The following FARS2 variants were observed in gnomAD, a reference collection of about 807,000 sequenced individuals.
FARS2 encodes phenylalanine--tRNA ligase, mitochondrial.
In FARS2, 40 loss-of-function variants were observed where a neutral mutation model predicts 46.4. The ratio of observed to expected loss-of-function variants is 0.86; its 90% CI spans 0.67 to 1.12. The LOEUF is 1.12. Among genes scored for constraint, FARS2 ranks in the 50% most tolerant of loss-of-function variants. The pLI is 0.00. For missense variants in FARS2, 513 were observed against 567.9 expected (o/e 0.90, Z 0.98); for synonymous variants, 234 against 214.9 (o/e 1.09, Z -0.78).
intron 6 of FARS2, among the ~76,000 whole-genome samples, chr6:5,690,850 T>C (rs1210007196): frequency 6.6e-6 from 1 of 152,204 alleles, no homozygotes; most frequent in East Asian, 1.9e-4. Context: ...AGACATAGAT[T>C]TGGTCTTTTC....
intron 6 of FARS2, among the ~76,000 whole-genome samples, chr6:5,746,618 C>T (rs760513364): frequency 4.7e-5 from 6 of 128,902 alleles, no homozygotes; most frequent in East Asian, 2.3e-4. Context: ...GGTGAGACTG[C>T]GGGCTCTGTC....
At chr6:5,402,542 C>G (rs968642132) in intron 2 of FARS2, among the ~76,000 whole-genome samples, 6 of 151,634 alleles carry the variant, frequency 4.0e-5, no homozygotes, top group Non-Finnish European at 8.8e-5. Context: ...TCTCTGGTGC[C>G]CTCTTCTGTT....
At chr6:5,718,588 C>T (rs1430909445) in intron 6 of FARS2, among the ~76,000 whole-genome samples, 1 of 152,162 alleles carries the variant, frequency 6.6e-6, no homozygotes, top group Non-Finnish European at 1.5e-5. Context: ...AAATTTAAGC[C>T]TGGCAATTCA....
intron 5 of FARS2, chr6:5,609,563 A>T: frequency 7.8e-7 from 1 of 1,286,830 alleles, no homozygotes; most frequent in Non-Finnish European, 1.1e-6. Context: ...TCCCACTGAA[A>T]CCACCTCCAC....
chr6:5,408,197 G>A (rs1050537987), intron 3 of FARS2, among the ~76,000 whole-genome samples: 1 of 152,126 alleles, frequency 6.6e-6, no homozygotes, highest in Non-Finnish European at 1.5e-5. Flanking sequence ...CTCTCCTTGG[G>A]AAACATAGGA....
chr6:5,461,227 A>G (rs1195207352), intron 4 of FARS2, among the ~76,000 whole-genome samples: 2 of 151,752 alleles, frequency 1.3e-5, no homozygotes, highest in Non-Finnish European at 2.9e-5. Flanking sequence ...TTTAATAGAG[A>G]CAAAGTTTCA....
intron 4 of FARS2, among the ~76,000 whole-genome samples, chr6:5,437,060 TC>T (rs1435040851): frequency 4.6e-5 from 7 of 152,194 alleles, no homozygotes; most frequent in Non-Finnish European, 7.4e-5. Context: ...TGTAATCTGT[TC>T]CTCCACCCAT....
intron 5 of FARS2, among the ~76,000 whole-genome samples, chr6:5,559,374 A>G (rs1432535143): frequency 1.3e-5 from 2 of 152,168 alleles, no homozygotes; most frequent in Non-Finnish European, 2.9e-5. Flanking sequence ...ACTGCATTCC[A>G]GCCTGGGCAA....
chr6:5,462,610 A>G (rs994901978), intron 4 of FARS2, among the ~76,000 whole-genome samples: 3 of 152,160 alleles, frequency 2.0e-5, no homozygotes, highest in Non-Finnish European at 4.4e-5. Flanking sequence ...GTGTATATCC[A>G]TTTGTTTAGA....
chr6:5,643,285 C>T (rs1475098471), intron 6 of FARS2, among the ~76,000 whole-genome samples: 2 of 152,112 alleles, frequency 1.3e-5, no homozygotes, highest in African/African-American at 2.4e-5. Flanking sequence ...CCTGTGAAAA[C>T]GATTTCTAAT....
chr6:5,591,827 A>G (rs2142735), intron 5 of FARS2, among the ~76,000 whole-genome samples: 38,519 of 152,136 alleles, frequency 0.25, 5,071 homozygotes, highest in African/African-American at 0.3. Context: ...AGTGTAACCA[A>G]TGTTTAAATT....
intron 1 of FARS2, among the ~76,000 whole-genome samples, chr6:5,310,109 C>A (rs546637834): frequency 1.3e-5 from 2 of 152,184 alleles, no homozygotes; most frequent in African/African-American, 4.8e-5. Flanking sequence ...GTTTTCAAAT[C>A]ACTAGGGAAA....
intron 3 of FARS2, among the ~76,000 whole-genome samples, chr6:5,406,979 T>G (rs1761638084): frequency 6.9e-6 from 1 of 144,670 alleles, no homozygotes; most frequent in African/African-American, 2.6e-5. Flanking sequence ...ATAAAGGACT[T>G]CTCCATATAA....
At chr6:5,272,099 C>T (rs1765998046) in intron 1 of FARS2, among the ~76,000 whole-genome samples, 1 of 152,088 alleles carries the variant, frequency 6.6e-6, no homozygotes, top group African/African-American at 2.4e-5. Flanking sequence ...GGGCATGAAT[C>T]CTCCCTTTGT....
At chr6:5,517,177 G>A (rs1768856943) in intron 4 of FARS2, among the ~76,000 whole-genome samples, 1 of 152,140 alleles carries the variant, frequency 6.6e-6, no homozygotes, top group African/African-American at 2.4e-5. Flanking sequence ...GAACAAAGGT[G>A]TAAAAAAGCA....
At chr6:5,688,748 A>G (rs6624500) in intron 6 of FARS2, among the ~76,000 whole-genome samples, 8 of 152,022 alleles carry the variant, frequency 5.3e-5, no homozygotes, top group African/African-American at 1.4e-4. Context: ...CCCTTTTTCT[A>G]TTGATTGGAA....
intron 6 of FARS2, among the ~76,000 whole-genome samples, chr6:5,677,479 T>C (rs1175572280): frequency 2.0e-5 from 3 of 152,230 alleles, no homozygotes; most frequent in African/African-American, 7.2e-5. Flanking sequence ...TCTCTGGCAG[T>C]AGAGCATTTA....
At chr6:5,659,831 A>G (rs1010028243) in intron 6 of FARS2, among the ~76,000 whole-genome samples, 3 of 152,260 alleles carry the variant, frequency 2.0e-5, no homozygotes, top group African/African-American at 7.2e-5. Flanking sequence ...TGGCAGACAC[A>G]GTTTCATCCT....
intron 1 of FARS2, among the ~76,000 whole-genome samples, chr6:5,297,816 A>T (rs1048015775): frequency 6.6e-6 from 1 of 152,170 alleles, no homozygotes; most frequent in Non-Finnish European, 1.5e-5. Flanking sequence ...AGTATCTTTG[A>T]TTTCCCTTTT....
Sources: gnomAD v4.1 joint callset for allele counts (sites outside exome capture counted in the v4.1 genomes callset) on GRCh38, gnomAD v4.1.1 for gene constraint, MANE v1.5 for transcripts, NCBI Gene and HGNC (gene_info 2026-07-23, HGNC 2026-07-21) for gene names.